Variants in FRMPD1 observed in about 807,000 individuals in gnomAD.
FRMPD1 encodes FERM and PDZ domain-containing protein 1.
A neutral mutation model predicts 117.8 loss-of-function variants in FRMPD1; 76 were observed. That is an observed-to-expected ratio of 0.65 (90% CI 0.54 to 0.78). The LOEUF (loss-of-function observed/expected upper bound fraction) is 0.78. FRMPD1 is among the 30% of genes least tolerant of loss of function. The pLI is 0.00. For missense variants in FRMPD1, 1,786 were observed against 1,964.5 expected (o/e 0.91, Z 1.72); for synonymous variants, 783 against 770.4 (o/e 1.02, Z -0.27).
intron 1 of FRMPD1, among the ~76,000 whole-genome samples, chr9:37,686,446 G>A (rs1406256328): frequency 6.6e-6 from 1 of 152,248 alleles, no homozygotes; most frequent in Admixed American, 6.5e-5. Flanking sequence ...CGTTTTGGAT[G>A]ATGTGGACAT....
the FRMPD1 span, among the ~76,000 whole-genome samples, chr9:37,621,399 G>A: frequency 5.3e-5 from 8 of 152,138 alleles, no homozygotes; most frequent in African/African-American, 1.7e-4. Flanking sequence ...ACCAAGGGTC[G>A]AAGGATAGAA....
At chr9:37,714,948 C>T (rs1487485538) in intron 5 of FRMPD1, among the ~76,000 whole-genome samples, 2 of 152,026 alleles carry the variant, frequency 1.3e-5, no homozygotes, top group Non-Finnish European at 2.9e-5. Context: ...GCGCCTGGCC[C>T]TGAAGAATTT....
At chr9:37,741,160 G>A (rs1251679199) in intron 15 of FRMPD1, among the ~76,000 whole-genome samples, 1 of 152,062 alleles carries the variant, frequency 6.6e-6, no homozygotes, top group African/African-American at 2.4e-5. Flanking sequence ...AAATGGGCTG[G>A]GCCCTGTGGG....
At chr9:37,668,821 T>A (rs2119411600) in intron 1 of FRMPD1, among the ~76,000 whole-genome samples, 1 of 152,362 alleles carries the variant, frequency 6.6e-6, no homozygotes, top group Non-Finnish European at 1.5e-5. Context: ...TCTTCTCAAA[T>A]TTAACTGGTA....
At chr9:37,649,346 C>T (rs894549207), upstream of FRMPD1, among the ~76,000 whole-genome samples, 5 of 152,148 alleles carry the variant, frequency 3.3e-5, no homozygotes, top group East Asian at 9.6e-4. Context: ...TTCATTATTT[C>T]CACTATGGCT....
chr9:37,717,356 T>TGG, intron 5 of FRMPD1, among the ~76,000 whole-genome samples: 1 of 91,760 alleles, frequency 1.1e-5, no homozygotes, highest in African/African-American at 4.1e-5. Flanking sequence ...TGTGTGTGTG[T>TGG]GTGTGTGTGT....
At chr9:37,612,739 G>C in the FRMPD1 span, among the ~76,000 whole-genome samples, 1 of 152,116 alleles carries the variant, frequency 6.6e-6, no homozygotes, top group Non-Finnish European at 1.5e-5. Flanking sequence ...TGATCTGCCC[G>C]CCTTGGCCTC....
At chr9:37,642,231 T>A in the FRMPD1 span, among the ~76,000 whole-genome samples, 7 of 152,136 alleles carry the variant, frequency 4.6e-5, no homozygotes, top group Non-Finnish European at 1.0e-4. Context: ...CCATGTAGAG[T>A]CTCTTTGTCT....
the FRMPD1 span, among the ~76,000 whole-genome samples, chr9:37,638,184 C>T: frequency 1.4e-4 from 22 of 151,990 alleles, no homozygotes; most frequent in East Asian, 3.7e-3. Flanking sequence ...AGTGATTCTT[C>T]TGCCTCAGCC....
At chr9:37,655,292 C>G (rs1277257870) in intron 1 of FRMPD1, among the ~76,000 whole-genome samples, 1 of 152,108 alleles carries the variant, frequency 6.6e-6, no homozygotes, top group Non-Finnish European at 1.5e-5. Context: ...CAAATATGCC[C>G]CCATCTTTCC....
At chr9:37,719,641 AG>A (rs1475318953) in intron 6 of FRMPD1, among the ~76,000 whole-genome samples, 1 of 152,214 alleles carries the variant, frequency 6.6e-6, no homozygotes, top group Non-Finnish European at 1.5e-5. Flanking sequence ...ATACCCTGCA[AG>A]GGAGGTGTTT....
intron 1 of FRMPD1, among the ~76,000 whole-genome samples, chr9:37,686,065 G>A (rs967229544): frequency 6.6e-6 from 1 of 152,158 alleles, no homozygotes; most frequent in African/African-American, 2.4e-5. Context: ...ATTGTTCCAG[G>A]CAACCAGAAT....
At chr9:37,621,164 G>C in the FRMPD1 span, among the ~76,000 whole-genome samples, 1 of 152,162 alleles carries the variant, frequency 6.6e-6, no homozygotes, top group African/African-American at 2.4e-5. Context: ...AACTGAGGAG[G>C]ATAAAGGAGG....
At chr9:37,699,437 A>T (rs1199331818) in intron 2 of FRMPD1, among the ~76,000 whole-genome samples, 1 of 150,924 alleles carries the variant, frequency 6.6e-6, no homozygotes, top group Non-Finnish European at 1.5e-5. Context: ...CTCGTGCCTC[A>T]GCCTCCTGAG....
At chr9:37,678,939 G>T (rs7864572) in intron 1 of FRMPD1, among the ~76,000 whole-genome samples, 22,723 of 152,168 alleles carry the variant, frequency 0.15, 3,266 homozygotes, top group East Asian at 0.37. Context: ...AGGCCCTGTG[G>T]TCCTCATCAG....
rs773296299 is a variant in FRMPD1 at position 37,711,379 on chromosome 9, T to C, written c.392T>C (p.Val131Ala). 1.2e-6 allele frequency: 2 copies of C among 1,610,472 alleles called. No individual in the cohort carries two copies. The highest frequency in any genetic ancestry group is 1.1e-5 in the South Asian group (1 of 91,004). ...GCAGAAGATTCTCTTTCAATCACAG[T>C]TGTTCGCTGCACGTCGGTAAATCTC... ...REAEDSLSIT[V>A]VRCTSGVPKS... The change falls in exon 5 of 16, where the codon GTT becomes GCT. Residue 131 changes from valine to alanine, a missense_variant. Val to Ala is a moderately conservative substitution (Grantham distance 64). Coordinates refer to ENST00000377765, the MANE Select transcript of FRMPD1 (RefSeq NM_014907.3).
the FRMPD1 span, among the ~76,000 whole-genome samples, chr9:37,609,772 G>A: frequency 0.023 from 3,483 of 152,284 alleles, 131 homozygotes; most frequent in African/African-American, 0.078. Flanking sequence ...CCACGGGCCC[G>A]TGTCTTCTCT....
Position 37,708,459 on chromosome 9 carries a change from C to G in FRMPD1, c.320C>G (p.Pro107Arg). The change falls in exon 4 of 16, where the codon CCT becomes CGT. Residue 107 changes from proline (P) to arginine (R), a missense_variant. Coordinates refer to ENST00000377765, the MANE Select transcript of FRMPD1 (RefSeq NM_014907.3). ...GDQILQMNNE[P>R]AEDLSWERAV... ...CAGATCCTCCAAATGAACAATGAGC[C>G]TGCTGAAGACCTTTCCTGGGAACGA... 6.2e-7 allele frequency: 1 copy of G among 1,612,992 alleles called. No homozygotes were observed. The highest frequency in any genetic ancestry group is 2.2e-5 in the East Asian group (1 of 44,890).
chr9:37,706,136 CT>C (rs1231729988), intron 2 of FRMPD1, among the ~76,000 whole-genome samples: 1 of 152,164 alleles, frequency 6.6e-6, no homozygotes, highest in Non-Finnish European at 1.5e-5. Context: ...AGAAGAAAGA[CT>C]CCCTCTGCTT....
Sources: allele counts gnomAD v4.1 joint callset (sites outside exome capture counted in the v4.1 genomes callset), GRCh38; gene constraint gnomAD v4.1.1; transcripts MANE v1.5; gene names NCBI Gene and HGNC (gene_info 2026-07-23, HGNC 2026-07-21).